CMTM4: variants seen among roughly 807,000 people sequenced by gnomAD.
The protein encoded by CMTM4 is CKLF-like MARVEL transmembrane domain-containing protein 4.
In CMTM4, 8 loss-of-function variants were observed where a neutral mutation model predicts 19.0. That is an observed-to-expected ratio of 0.42 (90% CI 0.25 to 0.76). The LOEUF (loss-of-function observed/expected upper bound fraction) is 0.76, where lower values mean the gene tolerates loss of function less well. Ranked by LOEUF, CMTM4 falls within the 30% of genes least tolerant of loss-of-function variation. CMTM4 has a pLI of 0.27. For synonymous variants in CMTM4, 106 were observed against 121.1 expected, an observed-to-expected ratio of 0.88 and a Z score of 0.82; for missense variants, 228 against 290.2, an observed-to-expected ratio of 0.79 and a Z score of 1.56.
Position 66,623,431 on chromosome 16 carries a change from A to G in CMTM4, c.435T>C (p.His145=), listed in dbSNP as rs199786764. 2.8e-5 allele frequency: 45 copies of G among 1,613,920 alleles called. No homozygotes were observed. In the East Asian group the frequency reaches 7.8e-4, roughly 28 times the overall value. ...CGGCAGCAATTTCTGCTCCGGCTCT[A>G]TGGTTTAAAGCAGCCAGTACGATTG... The part of the protein sequence containing the change: ...IASIVLAALN[H]RAGAEIAAVI... Residue 145 remains histidine (H), a synonymous_variant, in exon 3 of 4, where the codon CAT becomes CAC. Transcript: ENST00000394106.
intron 2 of CMTM4, among the ~76,000 whole-genome samples, chr16:66,632,913 T>A (rs2015903488): frequency 6.6e-6 from 1 of 151,116 alleles, no homozygotes; most frequent in Non-Finnish European, 1.5e-5. Context: ...AGAAACCCCC[T>A]CTCTACTAAA....
At chr16:66,667,333 A>T (rs1160600066) in intron 1 of CMTM4, among the ~76,000 whole-genome samples, 1 of 152,172 alleles carries the variant, frequency 6.6e-6, no homozygotes, top group Middle Eastern at 3.2e-3. Context: ...TCAAAAAAAT[A>T]AAATAAAATA....
chr16:66,684,903 C>T (rs1447719291), intron 1 of CMTM4, among the ~76,000 whole-genome samples: 1 of 152,190 alleles, frequency 6.6e-6, no homozygotes, highest in East Asian at 1.9e-4. Flanking sequence ...TCCTCTCCAC[C>T]TCTCCCAGTC....
chr16:66,673,352 C>T (rs562393557), intron 1 of CMTM4, among the ~76,000 whole-genome samples: 10 of 151,758 alleles, frequency 6.6e-5, no homozygotes, highest in African/African-American at 2.2e-4. Context: ...GGACTACAGG[C>T]TCACACCACC....
rs1013415862 is a variant in CMTM4, at chr16:66,620,263, C to G, written c.*1795G>C. On this transcript the variant is annotated 3_prime_UTR_variant, in exon 4 of 4. Coordinates refer to ENST00000394106, the MANE Select transcript of CMTM4 (RefSeq NM_181521.3). ...ATAAGCCCAATTTTGACTTTGCAAACACACTCAACAGACCTGACAGGCAGC... is the reference window on the plus strand; with the variant it reads ...ATAAGCCCAATTTTGACTTTGCAAAGACACTCAACAGACCTGACAGGCAGC... 2.0e-6 allele frequency: 2 copies of G among 985,426 alleles called. No homozygotes were observed. The highest frequency in any genetic ancestry group is 1.2e-6 in the Non-Finnish European group (1 of 829,928). The allele number at this position is 985,426 out of a possible 1,614,324, so 61.0% of individuals were successfully genotyped here.
At chr16:66,606,823 T>C in the CMTM4 span, among the ~76,000 whole-genome samples, 2 of 152,080 alleles carry the variant, frequency 1.3e-5, no homozygotes, top group African/African-American at 2.4e-5. Flanking sequence ...TGAAACCCTG[T>C]CTCTACTAAA....
At chr16:66,686,388 C>T (rs2017032628) in intron 1 of CMTM4, among the ~76,000 whole-genome samples, 1 of 151,438 alleles carries the variant, frequency 6.6e-6, no homozygotes, top group South Asian at 2.1e-4. Flanking sequence ...ATGGGAAACC[C>T]TATCTCTACA....
At chr16:66,651,443 G>GA (rs888407488) in intron 1 of CMTM4, among the ~76,000 whole-genome samples, 7 of 152,120 alleles carry the variant, frequency 4.6e-5, no homozygotes, top group African/African-American at 1.7e-4. Flanking sequence ...ATAAGGTAAG[G>GA]AAGCTACAGG....
At chr16:66,600,135 T>TGTG in the CMTM4 span, among the ~76,000 whole-genome samples, 64 of 134,178 alleles carry the variant, frequency 4.8e-4, 1 homozygote, top group Middle Eastern at 3.7e-3. Flanking sequence ...TGTGTGTGTG[T>TGTG]GTTTTTTTTT....
At chr16:66,644,587 T>C (rs1429287470) in intron 1 of CMTM4, among the ~76,000 whole-genome samples, 1 of 152,272 alleles carries the variant, frequency 6.6e-6, no homozygotes, top group Admixed American at 6.5e-5. Flanking sequence ...TCTTGTGTTT[T>C]TGTCTTTCTT....
chr16:66,664,915 G>A (rs1212988319), intron 1 of CMTM4, among the ~76,000 whole-genome samples: 2 of 152,002 alleles, frequency 1.3e-5, no homozygotes, highest in African/African-American at 4.8e-5. Context: ...ATTGCCTTGA[G>A]GCCAGGAGTT....
chr16:66,647,836 T>C (rs1415086233), intron 1 of CMTM4, among the ~76,000 whole-genome samples: 1 of 152,170 alleles, frequency 6.6e-6, no homozygotes, highest in East Asian at 1.9e-4. Flanking sequence ...ACACCCAGCT[T>C]TGCTGTTCTT....
At chr16:66,656,981 T>C (rs1282935554) in intron 1 of CMTM4, among the ~76,000 whole-genome samples, 2 of 151,972 alleles carry the variant, frequency 1.3e-5, no homozygotes, top group African/African-American at 2.4e-5. Flanking sequence ...AATGACAACA[T>C]GATCTAGGAT....
intron 1 of CMTM4, among the ~76,000 whole-genome samples, chr16:66,637,724 G>T (rs1473252351): frequency 6.6e-6 from 1 of 152,156 alleles, no homozygotes; most frequent in East Asian, 1.9e-4. Flanking sequence ...TGTGATCAAA[G>T]AAAGGTTTCG....
chr16:66,621,903 C>T lies in CMTM4; in HGVS notation c.*155G>A, dbSNP rs1378014604. On this transcript the variant is annotated 3_prime_UTR_variant, in exon 4 of 4. Transcript: ENST00000394106. ...CTCCCAACTCCACCGCGGACCCGCC[C>T]ACTGGGCCACTCGGGAAACCCTTTC... 2.8e-6 allele frequency: 4 copies of T among 1,435,894 alleles called. No individual in the cohort carries two copies. In the East Asian group the frequency reaches 7.5e-5, roughly 27 times the overall value. The allele number at this position is 1,435,894 out of a possible 1,614,324, so 88.9% of individuals were successfully genotyped here.
intron 1 of CMTM4, among the ~76,000 whole-genome samples, chr16:66,671,260 G>C (rs889502250): frequency 1.3e-5 from 2 of 152,188 alleles, no homozygotes; most frequent in Non-Finnish European, 2.9e-5. Context: ...TTCTCAAAGA[G>C]AAGGGCTAAC....
At chr16:66,665,425 A>C (rs1202458933) in intron 1 of CMTM4, among the ~76,000 whole-genome samples, 1 of 152,022 alleles carries the variant, frequency 6.6e-6, no homozygotes, top group East Asian at 1.9e-4. Flanking sequence ...ATCCATGAGA[A>C]AAAAAATGGA....
chr16:66,696,274 CG>C lies in CMTM4; in HGVS notation c.186+65del. 1 of 1,152,470 alleles carries C rather than the reference CG, an allele frequency of 8.7e-7. No individual in the cohort carries two copies. Among genetic ancestry groups the C allele is most frequent in the Non-Finnish European group, 1.1e-6 (1 of 907,724 alleles). 71.4% of individuals were successfully genotyped at this position (1,152,470 alleles called of 1,614,324 possible). On this transcript the variant is annotated intron_variant, in intron 1 of 3. Coordinates refer to ENST00000394106, the MANE Select transcript of CMTM4 (RefSeq NM_181521.3). This position sits in a 1 kb window ranked among gnomAD's most constrained non-coding sequence, Gnocchi z 4.3. ...CGGGTACGCGGCGGAGGCCCCGCAG[CG>C]GGGCGGGGAGGGAGGCGTGCGGCTA... is the stretch of plus-strand genomic sequence containing the variant.
chr16:66,609,512 G>A, the CMTM4 span: 1 of 1,605,098 alleles, frequency 6.2e-7, no homozygotes, highest in Non-Finnish European at 8.5e-7. The surrounding 1 kb of genome is among the most constrained non-coding windows in gnomAD (Gnocchi z 4.4). Flanking sequence ...ACTCGGATGG[G>A]GCTTCCAAAG....
Sources: allele counts gnomAD v4.1 joint callset (sites outside exome capture counted in the v4.1 genomes callset), GRCh38; gene constraint gnomAD v4.1.1; non-coding constraint Gnocchi (gnomAD v3.1); transcripts MANE v1.5; gene names NCBI Gene and HGNC (gene_info 2026-07-23, HGNC 2026-07-21).